Variants in MALRD1 observed in about 807,000 individuals in gnomAD.
MALRD1 encodes MAM and LDL-receptor class A domain-containing protein 1.
A neutral mutation model predicts 242.1 loss-of-function variants in MALRD1; 247 were observed. The ratio of observed to expected loss-of-function variants is 1.02; its 90% confidence interval spans 0.92 to 1.13. MALRD1 has a LOEUF of 1.13. Ranked by LOEUF, MALRD1 falls within the 50% of genes most tolerant of loss-of-function variation. The probability of loss-of-function intolerance (pLI) is 0.00; values close to 1 mark genes in which losing one functional copy is unlikely to be tolerated. For missense variants in MALRD1, 2,989 were observed against 2,533.1 expected, an observed-to-expected ratio of 1.18 and a Z score of -3.86; for synonymous variants, 995 against 866.6, an observed-to-expected ratio of 1.15 and a Z score of -2.60.
At position 19,494,759 on chromosome 10, in the gene MALRD1, C is replaced by CA. The variant is rs538731981; in HGVS notation, c.5158+3115dup. On this transcript the variant is annotated intron_variant, in intron 30 of 39. Coordinates refer to ENST00000454679, the MANE Select transcript of MALRD1 (RefSeq NM_001142308.3). Reference sequence around the variant, plus strand: ...ATAAAAAGGAATGAAAAAATTCTCTCAGAAATATGGGATTATGTTAAGAGG... The same window carrying CA: ...ATAAAAAGGAATGAAAAAATTCTCTCAAGAAATATGGGATTATGTTAAGAGG... 2.0e-5 allele frequency among the ~76,000 whole-genome samples: 3 copies of CA among 152,126 alleles called. No individual in the cohort carries two copies. The South Asian group carries it at 6.2e-4, about 32-fold the overall frequency.
chr10:19,390,019 G>C (rs944893853), intron 28 of MALRD1, among the ~76,000 whole-genome samples: 9 of 152,060 alleles, frequency 5.9e-5, no homozygotes, highest in African/African-American at 2.2e-4. Flanking sequence ...AAGGCCCCCT[G>C]TTTTTCAAAG....
chr10:19,286,727 A>C (rs1207451084), intron 21 of MALRD1, among the ~76,000 whole-genome samples: 2 of 151,590 alleles, frequency 1.3e-5, no homozygotes, highest in Non-Finnish European at 2.9e-5. Context: ...TCACAGCCGA[A>C]TTCTACCAGA....
At chr10:19,094,669 T>C (rs1224443149) in intron 4 of MALRD1, among the ~76,000 whole-genome samples, 1 of 152,182 alleles carries the variant, frequency 6.6e-6, no homozygotes, top group Non-Finnish European at 1.5e-5. Context: ...TTCTCATGCT[T>C]TTGAGAAAAG....
chr10:19,380,742 T>A (rs1428159332), intron 26 of MALRD1, among the ~76,000 whole-genome samples: 1 of 152,182 alleles, frequency 6.6e-6, no homozygotes, highest in Admixed American at 6.5e-5. Flanking sequence ...TTCGTTGTTA[T>A]GCCACATTTT....
chr10:19,539,981 G>C (rs906132769), intron 32 of MALRD1, among the ~76,000 whole-genome samples: 1 of 151,294 alleles, frequency 6.6e-6, no homozygotes, highest in Non-Finnish European at 1.5e-5. Context: ...GAGCTCAAGT[G>C]ATCTGCCCAC....
chr10:19,095,847 C>T (rs1456950200), intron 4 of MALRD1, among the ~76,000 whole-genome samples: 1 of 152,144 alleles, frequency 6.6e-6, no homozygotes, highest in Non-Finnish European at 1.5e-5. Context: ...AGCAACAAAA[C>T]CAGGCCAAGA....
At chr10:19,352,854 T>C (rs1251501287) in intron 26 of MALRD1, among the ~76,000 whole-genome samples, 1 of 152,166 alleles carries the variant, frequency 6.6e-6, no homozygotes, top group Non-Finnish European at 1.5e-5. Flanking sequence ...GTATAATTCC[T>C]ACAGATACAA....
At chr10:19,435,158 A>G (rs1160483958) in intron 28 of MALRD1, among the ~76,000 whole-genome samples, 3 of 149,872 alleles carry the variant, frequency 2.0e-5, no homozygotes, top group African/African-American at 4.9e-5. Flanking sequence ...ATAATATCCT[A>G]TTTATATATA....
At chr10:19,137,536 G>T (rs1833388650) in intron 10 of MALRD1, among the ~76,000 whole-genome samples, 1 of 151,256 alleles carries the variant, frequency 6.6e-6, no homozygotes, top group South Asian at 2.1e-4. Flanking sequence ...AACATGGGAG[G>T]TGGAGGTTGC....
intron 14 of MALRD1, among the ~76,000 whole-genome samples, chr10:19,193,368 C>T (rs1588678684): frequency 6.6e-6 from 1 of 152,148 alleles, no homozygotes; most frequent in Middle Eastern, 3.4e-3. Context: ...CCAGTCTGGG[C>T]AACATGGCAA....
rs1251945776 is a variant in MALRD1 at position 19,632,326 on chromosome 10, C to T, written c.6137+16403C>T. Among the ~76,000 whole-genome samples, 4 of 152,090 alleles carry T rather than the reference C, an allele frequency of 2.6e-5. No homozygotes were observed. The East Asian group carries it at 7.7e-4, about 29-fold the overall frequency. On this transcript the variant is annotated intron_variant, in intron 36 of 39. Coordinates refer to ENST00000454679, the MANE Select transcript of MALRD1 (RefSeq NM_001142308.3). Reference sequence around the variant, plus strand: ...CTCTGTCCTTCCACCTTCCAATCTCCAGTTGCTATCTTCCGTAGGCCAAGA... The same window carrying T: ...CTCTGTCCTTCCACCTTCCAATCTCTAGTTGCTATCTTCCGTAGGCCAAGA...
intron 14 of MALRD1, among the ~76,000 whole-genome samples, chr10:19,201,525 C>G (rs1836541916): frequency 6.6e-6 from 1 of 152,074 alleles, no homozygotes; most frequent in South Asian, 2.1e-4. Context: ...CTGCTTTCTC[C>G]CCGTATTTAC....
intron 2 of MALRD1, among the ~76,000 whole-genome samples, chr10:19,067,881 G>T (rs1210100850): frequency 6.6e-6 from 1 of 152,002 alleles, no homozygotes; most frequent in Non-Finnish European, 1.5e-5. Flanking sequence ...TTGATAAGAT[G>T]GAGTTTCTTA....
intron 21 of MALRD1, among the ~76,000 whole-genome samples, chr10:19,286,395 A>G (rs1477013888): frequency 6.6e-5 from 10 of 150,460 alleles, no homozygotes; most frequent in African/African-American, 1.5e-4. Context: ...TGGGTTTGTC[A>G]TAGATAGCTC....
At chr10:19,616,977 T>G (rs977264902) in intron 36 of MALRD1, among the ~76,000 whole-genome samples, 5 of 151,998 alleles carry the variant, frequency 3.3e-5, no homozygotes, top group Admixed American at 1.3e-4. Flanking sequence ...AAACTATTAC[T>G]TGATGGAAAG....
At chr10:19,562,307 A>AGATG (rs1241067474) in intron 32 of MALRD1, among the ~76,000 whole-genome samples, 2 of 128,992 alleles carry the variant, frequency 1.6e-5, no homozygotes, top group African/African-American at 8.2e-5. Flanking sequence ...GTAGATAGAT[A>AGATG]GATAGATAGA....
intron 33 of MALRD1, among the ~76,000 whole-genome samples, chr10:19,572,256 G>A (rs4748598): frequency 0.074 from 11,337 of 152,196 alleles, 432 homozygotes; most frequent in South Asian, 0.1. Flanking sequence ...GTGTTTATTT[G>A]TATTGCATCT....
rs188772155 is a variant in MALRD1 at position 19,231,890 on chromosome 10, T to C, written c.2991+22210T>C. Among the ~76,000 whole-genome samples the C allele has an allele frequency of 2.2e-4, 34 of 152,236 alleles. No homozygotes were observed. In the East Asian group the frequency reaches 5.6e-3, roughly 25 times the overall value. ...TACTAAAACTTGACTCATATAGACT[T>C]AAAACAAAATAATTAAGCATGGCTA... On this transcript the variant is annotated intron_variant, in intron 18 of 39. Transcript: ENST00000454679.
chr10:19,165,206 A>C (rs1834623022), intron 12 of MALRD1, among the ~76,000 whole-genome samples: 1 of 135,980 alleles, frequency 7.4e-6, no homozygotes. Context: ...AGAAAGGAGA[A>C]TTGAGAAGAT....
Sources: gnomAD v4.1 joint callset for allele counts (sites outside exome capture counted in the v4.1 genomes callset) on GRCh38, gnomAD v4.1.1 for gene constraint, MANE v1.5 for transcripts, NCBI Gene and HGNC (gene_info 2026-07-23, HGNC 2026-07-21) for gene names.